Variants in MACROD2 observed in about 807,000 individuals in gnomAD.
MACROD2 encodes mono-ADP ribosylhydrolase 2, also known as ADP-ribose glycohydrolase MACROD2.
Under a neutral mutation model 70.4 loss-of-function variants are expected in MACROD2, and 36 were observed. That is an observed-to-expected ratio of 0.51 (90% CI 0.39 to 0.68). The LOEUF is 0.68. MACROD2 is among the 30% of genes least tolerant of loss of function. The probability of loss-of-function intolerance (pLI) is 0.00; values close to 1 mark genes in which losing one functional copy is unlikely to be tolerated. For synonymous variants in MACROD2, 172 were observed against 178.8 expected (o/e 0.96, Z 0.30); for missense variants, 496 against 538.4 (o/e 0.92, Z 0.78).
chr20:15,083,134 T>C (rs944612823), intron 5 of MACROD2, among the ~76,000 whole-genome samples: 1 of 152,196 alleles, frequency 6.6e-6, no homozygotes, highest in Non-Finnish European at 1.5e-5. Flanking sequence ...TGGACTTCCT[T>C]GTGGGTTTCT....
chr20:15,385,952 G>A (rs2045706973), intron 6 of MACROD2, among the ~76,000 whole-genome samples: 1 of 152,108 alleles, frequency 6.6e-6, no homozygotes, highest in Non-Finnish European at 1.5e-5. Flanking sequence ...AGGTTACTGG[G>A]TCACGAGAGC....
At position 15,031,675 on chromosome 20, in the gene MACROD2, A is replaced by C. The variant is rs530408579; in HGVS notation, c.419-198265A>C. On this transcript the variant is annotated intron_variant, in intron 5 of 17. Transcript: ENST00000684519. ...CGCAGCTGTTAGTACCGTCTGTGTTAATCTGGCAGAGTTAGCGGTGTTTTT... is the reference window on the plus strand; with the variant it reads ...CGCAGCTGTTAGTACCGTCTGTGTTCATCTGGCAGAGTTAGCGGTGTTTTT... 1.9e-4 allele frequency among the ~76,000 whole-genome samples: 29 copies of C among 152,226 alleles called. 2 individuals are homozygous for C. In the South Asian group the frequency reaches 5.8e-3, roughly 30 times the overall value.
intron 8 of MACROD2, among the ~76,000 whole-genome samples, chr20:15,634,816 T>C (rs1250926806): frequency 1.3e-5 from 2 of 152,224 alleles, no homozygotes; most frequent in African/African-American, 4.8e-5. Flanking sequence ...CCTTTGCAGC[T>C]AGGGTTCTAG....
chr20:15,574,529 T>G (rs889113793), intron 8 of MACROD2, among the ~76,000 whole-genome samples: 1 of 152,188 alleles, frequency 6.6e-6, no homozygotes, highest in African/African-American at 2.4e-5. Context: ...GAGAAGAAAG[T>G]TAACACACCA....
intron 8 of MACROD2, 99 bp downstream of exon 8, chr20:15,499,946 C>A: frequency 1.8e-6 from 2 of 1,142,110 alleles, no homozygotes; most frequent in Non-Finnish European, 2.6e-6. Context: ...ATCAACTACA[C>A]CTAGTCATTG....
chr20:15,256,406 G>A (rs2142139), intron 6 of MACROD2, among the ~76,000 whole-genome samples: 52,740 of 151,714 alleles, frequency 0.35, 10,123 homozygotes, highest in African/African-American at 0.5. Context: ...TGAGAACATA[G>A]GGATTTGGTG....
At chr20:15,128,328 T>C (rs2076081302) in intron 5 of MACROD2, among the ~76,000 whole-genome samples, 2 of 152,090 alleles carry the variant, frequency 1.3e-5, no homozygotes, top group Admixed American at 1.3e-4. Context: ...CAGTAGAAAA[T>C]GTGTCCCTTC....
At chr20:16,022,299 C>G (rs192427942) in intron 15 of MACROD2, among the ~76,000 whole-genome samples, 1 of 152,292 alleles carries the variant, frequency 6.6e-6, no homozygotes, top group East Asian at 1.9e-4. Context: ...GATCCGCCCA[C>G]CTCGGCCTCC....
intron 6 of MACROD2, among the ~76,000 whole-genome samples, chr20:15,426,408 A>C (rs1482624751): frequency 6.6e-6 from 1 of 151,864 alleles, no homozygotes; most frequent in African/African-American, 2.4e-5. Context: ...GTAGTGGTGG[A>C]ATCATGGCTC....
At chr20:14,103,498 G>GT (rs1225635567) in intron 3 of MACROD2, among the ~76,000 whole-genome samples, 14 of 151,244 alleles carry the variant, frequency 9.3e-5, no homozygotes, top group South Asian at 2.1e-4. Flanking sequence ...AAAGAGAACA[G>GT]TTTTTTTTTC....
At chr20:15,003,800 C>A (rs1568921341) in intron 5 of MACROD2, among the ~76,000 whole-genome samples, 1 of 152,162 alleles carries the variant, frequency 6.6e-6, no homozygotes, top group Non-Finnish European at 1.5e-5. Flanking sequence ...GATTGTCAGC[C>A]ACTATTCCAG....
chr20:15,203,592 G>T (rs1487016533), intron 5 of MACROD2, among the ~76,000 whole-genome samples: 15 of 151,936 alleles, frequency 9.9e-5, no homozygotes, highest in Admixed American at 9.2e-4. Flanking sequence ...GGAAACTTTG[G>T]ATAAATATGA....
chr20:14,286,808 A>C (rs1175758714), intron 3 of MACROD2, among the ~76,000 whole-genome samples: 3 of 152,138 alleles, frequency 2.0e-5, no homozygotes, highest in Non-Finnish European at 4.4e-5. Context: ...AAGAAGTTTA[A>C]ATTTCCTCCT....
chr20:15,720,901 G>A (rs1258246776), intron 8 of MACROD2, among the ~76,000 whole-genome samples: 1 of 152,110 alleles, frequency 6.6e-6, no homozygotes, highest in South Asian at 2.1e-4. Context: ...AATCAGCCTG[G>A]TTCATTGCAT....
chr20:14,015,538 A>G (rs746062487), intron 2 of MACROD2, among the ~76,000 whole-genome samples: 3 of 152,174 alleles, frequency 2.0e-5, no homozygotes, highest in Non-Finnish European at 2.9e-5. Context: ...GATTTGCACT[A>G]CTGTACTCCA....
intron 6 of MACROD2, among the ~76,000 whole-genome samples, chr20:15,364,922 G>A (rs2045386395): frequency 6.6e-6 from 1 of 152,058 alleles, no homozygotes; most frequent in African/African-American, 2.4e-5. Flanking sequence ...CTGCAGAACA[G>A]GAAAAAAGAG....
At chr20:15,683,575 T>C (rs1276923584) in intron 8 of MACROD2, among the ~76,000 whole-genome samples, 1 of 152,100 alleles carries the variant, frequency 6.6e-6, no homozygotes, top group Non-Finnish European at 1.5e-5. Flanking sequence ...CCTCAGGTTG[T>C]TTTTTTGTTT....
chr20:15,849,191 T>C, intron 8 of MACROD2, among the ~76,000 whole-genome samples: 1 of 152,210 alleles, frequency 6.6e-6, no homozygotes, highest in Non-Finnish European at 1.5e-5. Context: ...TTTTGGTTTG[T>C]GCTTTCACAT....
intron 8 of MACROD2, among the ~76,000 whole-genome samples, chr20:15,519,122 T>A (rs13041936): frequency 1.8e-5 from 2 of 110,640 alleles, no homozygotes; most frequent in Non-Finnish European, 4.1e-5. Context: ...TTCCTTCCTT[T>A]CTTTCTTTCT....
Sources: allele counts gnomAD v4.1 joint callset (sites outside exome capture counted in the v4.1 genomes callset), GRCh38; gene constraint gnomAD v4.1.1; transcripts MANE v1.5; gene names NCBI Gene and HGNC (gene_info 2026-07-23, HGNC 2026-07-21).